LRRC9: variants seen among roughly 807,000 people sequenced by gnomAD.
LRRC9 encodes leucine-rich repeat-containing protein 9.
In LRRC9, 122 loss-of-function variants were observed where a neutral mutation model predicts 63.2. That is an observed-to-expected ratio of 1.93 (90% CI 1.67 to 2.24). The LOEUF (loss-of-function observed/expected upper bound fraction) is 2.24. LRRC9 is among the 30% of genes most tolerant of loss of function. The pLI, the probability that LRRC9 is intolerant of heterozygous loss-of-function variation, is 0.00. For missense variants in LRRC9, 1,071 were observed against 627.7 expected (o/e 1.71, Z -7.55); for synonymous variants, 366 against 213.1 (o/e 1.72, Z -6.25).
chr14:60,002,242 C>T lies in LRRC9; in HGVS notation c.2664+142C>T. On this transcript the variant is annotated intron_variant, in intron 20 of 31. Transcript: ENST00000445360. ...GAGATTAATTAAAATAGGGAAGAAA[C>T]ACTTAAGATCTACCCTCTTGGCAAA... The T allele has an allele frequency of 8.1e-6, 4 of 494,692 alleles. No individual in the cohort carries two copies. The South Asian group carries it at 1.0e-4, about 13-fold the overall frequency. 30.6% of individuals were successfully genotyped at this position (494,692 alleles called of 1,614,324 possible).
intron 8 of LRRC9, among the ~76,000 whole-genome samples, chr14:59,954,738 A>T (rs1883547162): frequency 6.6e-6 from 1 of 151,942 alleles, no homozygotes; most frequent in African/African-American, 2.4e-5. Flanking sequence ...ATCTTCTACA[A>T]CACTTCCAGC....
intron 27 of LRRC9, 94 bp downstream of exon 27, chr14:60,022,964 T>G: frequency 2.4e-6 from 1 of 421,956 alleles, no homozygotes; most frequent in Non-Finnish European, 4.2e-6. Context: ...GCATCAGTAT[T>G]TACTCAAACA....
intron 29 of LRRC9, among the ~76,000 whole-genome samples, chr14:60,047,883 A>G (rs1479386099): frequency 2.0e-5 from 3 of 152,224 alleles, no homozygotes; most frequent in Non-Finnish European, 4.4e-5. Flanking sequence ...AATTAATCAC[A>G]TAATCGGAAG....
chr14:60,015,618 A>T (rs1383235979), intron 23 of LRRC9, among the ~76,000 whole-genome samples: 1 of 152,096 alleles, frequency 6.6e-6, no homozygotes, highest in Non-Finnish European at 1.5e-5. Flanking sequence ...ACTCCTTGTT[A>T]CTATTACCCA....
Position 59,958,803 on chromosome 14 carries a change from A to G in LRRC9, c.883-1015A>G, listed in dbSNP as rs543982266. ...ATCTGCAGATTGCAAAAACGGTGGG[A>G]AAAGCATAGTAACCCGGCTGGGTAG... is the stretch of plus-strand genomic sequence containing the variant. On this transcript the variant is annotated intron_variant, in intron 8 of 31. Transcript: ENST00000445360. This position sits in a 1 kb window ranked among gnomAD's most constrained non-coding sequence, Gnocchi z 4.0. 1.3e-5 allele frequency among the ~76,000 whole-genome samples: 2 copies of G among 152,334 alleles called. No homozygotes were observed. Among genetic ancestry groups the G allele is most frequent in the Admixed American group, 1.3e-4 (2 of 15,308 alleles).
intron 12 of LRRC9, among the ~76,000 whole-genome samples, chr14:59,973,126 A>G (rs1885714800): frequency 6.6e-6 from 1 of 152,080 alleles, no homozygotes; most frequent in Non-Finnish European, 1.5e-5. Flanking sequence ...CTCTTAAAAT[A>G]TAATTTCCTT....
At chr14:60,048,925 C>T (rs1276518587) in intron 29 of LRRC9, among the ~76,000 whole-genome samples, 1 of 152,136 alleles carries the variant, frequency 6.6e-6, no homozygotes, top group African/African-American at 2.4e-5. Flanking sequence ...TATCAAAAGG[C>T]TTATCCACCA....
At chr14:59,944,822 A>C in intron 8 of LRRC9, 78 bp downstream of exon 8, 1 of 564,566 alleles carries the variant, frequency 1.8e-6, no homozygotes, top group East Asian at 2.9e-5. Context: ...AATATCTTTT[A>C]AATTATGTAT....
rs1048869621 is a variant in LRRC9 at position 59,938,920 on chromosome 14, CAT to C, written c.726+356_726+357del. ...ATATATATACATATATACACATATGCATATATATACACATATATACATATACA... is the reference window on the plus strand; with the variant it reads ...ATATATATACATATATACACATATGCATATATACACATATATACATATACA... On this transcript the variant is annotated intron_variant, in intron 7 of 31. Coordinates refer to ENST00000445360, the Ensembl canonical transcript of LRRC9. The surrounding 1 kb of genome is among the most constrained non-coding windows in gnomAD (Gnocchi z 4.2). 7.7e-6 allele frequency among the ~76,000 whole-genome samples: 1 copy of C among 129,770 alleles called. No homozygotes were observed. The highest frequency in any genetic ancestry group is 2.6e-4 in the South Asian group (1 of 3,854). 85.1% of individuals were successfully genotyped at this position (129,770 alleles called of 152,430 possible).
chr14:59,951,335 G>T lies in LRRC9; in HGVS notation c.882+6591G>T, dbSNP rs2139906281. Among the ~76,000 whole-genome samples, 2 of 50,112 alleles carry T rather than the reference G, an allele frequency of 4.0e-5. 1 individual carries two copies. Among genetic ancestry groups the T allele is most frequent in the South Asian group, 2.0e-3 (2 of 1,014 alleles). The allele number at this position is 50,112 out of a possible 152,430, so 32.9% of individuals were successfully genotyped here. ...TTCTTCACGTAGTTCTCGAGCCTTG[G>T]TTTTCAGCTCCATCAGCTCCTTTAA... On this transcript the variant is annotated intron_variant, in intron 8 of 31. Coordinates refer to ENST00000445360, the Ensembl canonical transcript of LRRC9.
chr14:60,055,480 T>C (rs1894201216), intron 30 of LRRC9, among the ~76,000 whole-genome samples: 1 of 152,208 alleles, frequency 6.6e-6, no homozygotes, highest in African/African-American at 2.4e-5. Flanking sequence ...CCACCTGTAT[T>C]AGTTTCATAT....
At chr14:59,920,947 A>C (rs1888720588) in intron 1 of LRRC9, among the ~76,000 whole-genome samples, 1 of 152,238 alleles carries the variant, frequency 6.6e-6, no homozygotes, top group Admixed American at 6.5e-5. Flanking sequence ...GTAACCTAGT[A>C]GGGAAGAAAG....
intron 12 of LRRC9, among the ~76,000 whole-genome samples, chr14:59,972,590 C>T (rs530258660): frequency 7.2e-5 from 11 of 152,202 alleles, no homozygotes; most frequent in South Asian, 2.1e-4. Context: ...TCTGCATTTG[C>T]TTTATCTACA....
In LRRC9 at chr14:59,947,768, C is replaced by T. The variant is rs1280753132; in HGVS notation, c.882+3024C>T. On this transcript the variant is annotated intron_variant, in intron 8 of 31. Coordinates refer to ENST00000445360, the Ensembl canonical transcript of LRRC9. ...AGCACCATTTATTAAATAGGGAATC[C>T]TTTCCCCATTGCTTGTTTTTCTCAG... Among the ~76,000 whole-genome samples the T allele has an allele frequency of 9.1e-3, 1,327 of 145,462 alleles. 18 individuals are homozygous for T. The highest frequency in any genetic ancestry group is 0.032 in the African/African-American group (1,263 of 38,962).
chr14:59,937,479 C>T (rs1237887523), intron 6 of LRRC9, among the ~76,000 whole-genome samples: 1 of 152,054 alleles, frequency 6.6e-6, no homozygotes, highest in African/African-American at 2.4e-5. Flanking sequence ...TGAAACAAGG[C>T]TCCCAGGGAA....
chr14:59,967,533 A>G (rs962409856), intron 12 of LRRC9, among the ~76,000 whole-genome samples: 1 of 152,136 alleles, frequency 6.6e-6, no homozygotes, highest in African/African-American at 2.4e-5. Flanking sequence ...TAAACTCTCC[A>G]GTCTTCACCT....
At chr14:60,049,839 C>T (rs535876009) in intron 29 of LRRC9, among the ~76,000 whole-genome samples, 2 of 152,146 alleles carry the variant, frequency 1.3e-5, no homozygotes, top group African/African-American at 4.8e-5. Flanking sequence ...AGATAATATC[C>T]TGAAGTATAT....
In LRRC9 at chr14:60,029,735, A is replaced by G. The variant is rs1381047995; in HGVS notation, c.3921+1634A>G. Among the ~76,000 whole-genome samples, 4 of 152,094 alleles carry G rather than the reference A, an allele frequency of 2.6e-5. No individual in the cohort carries two copies. The East Asian group carries it at 5.8e-4, about 22-fold the overall frequency. On this transcript the variant is annotated intron_variant, in intron 28 of 31. Coordinates refer to ENST00000445360, the Ensembl canonical transcript of LRRC9. Reference sequence around the variant, plus strand: ...CTTAGTCAAGCTTATTTATTTTCAAAATCTAATATAGCTAAATGACAAATT... The same window carrying G: ...CTTAGTCAAGCTTATTTATTTTCAAGATCTAATATAGCTAAATGACAAATT...
chr14:59,987,729 T>G (rs1193823826), intron 17 of LRRC9, among the ~76,000 whole-genome samples: 1 of 152,190 alleles, frequency 6.6e-6, no homozygotes, highest in Non-Finnish European at 1.5e-5. Context: ...GTCTCACTTG[T>G]GTGATGCCAA....
Sources: allele counts gnomAD v4.1 joint callset (sites outside exome capture counted in the v4.1 genomes callset), GRCh38; gene constraint gnomAD v4.1.1; non-coding constraint Gnocchi (gnomAD v3.1); transcripts MANE v1.5; gene names NCBI Gene and HGNC (gene_info 2026-07-23, HGNC 2026-07-21).